The following CCDC57 variants were observed in gnomAD, a reference collection of about 807,000 sequenced individuals.
CCDC57 encodes coiled-coil domain containing 57.
Under a neutral mutation model 118.9 loss-of-function variants are expected in CCDC57, and 118 were observed. That is an observed-to-expected ratio of 0.99 (90% CI 0.86 to 1.16). The LOEUF (loss-of-function observed/expected upper bound fraction) is 1.16, where lower values mean the gene tolerates loss of function less well. Among genes scored for constraint, CCDC57 ranks in the 50% most tolerant of loss-of-function variants. The probability of loss-of-function intolerance (pLI) is 0.00; values close to 1 mark genes in which losing one functional copy is unlikely to be tolerated. For missense variants in CCDC57, 1,300 were observed against 1,320.7 expected, an observed-to-expected ratio of 0.98 and a Z score of 0.24; for synonymous variants, 527 against 532.9, an observed-to-expected ratio of 0.99 and a Z score of 0.15.
At chr17:82,200,482 TG>T (rs1234278103) in intron 3 of CCDC57, among the ~76,000 whole-genome samples, 1 of 152,154 alleles carries the variant, frequency 6.6e-6, no homozygotes, top group African/African-American at 2.4e-5. Flanking sequence ...CTTTAAAAAG[TG>T]CTTTAAAAAG....
intron 19 of CCDC57, among the ~76,000 whole-genome samples, chr17:82,108,238 G>C (rs2035003513): frequency 1.3e-5 from 2 of 152,354 alleles, no homozygotes; most frequent in East Asian, 1.9e-4. Context: ...CTCCTAGTGA[G>C]ATGAGTGTCA....
At position 82,184,063 on chromosome 17, in the gene CCDC57, A is replaced by ACACACG. The variant is rs72171963; in HGVS notation, c.1053-132_1053-131insCGTGTG. On this transcript the variant is annotated intron_variant, in intron 8 of 19. Transcript: ENST00000665763. ...CACACACACACACACACACACACACACACACACACACACACACACAGCTCT... is the reference window on the plus strand; with the variant it reads ...CACACACACACACACACACACACACACACACGCACACACACACACACACACAGCTCT... 5 of 584,660 alleles carry ACACACG rather than the reference A, an allele frequency of 8.6e-6. No homozygotes were observed. In the East Asian group the frequency reaches 1.4e-4, roughly 17 times the overall value. 36.2% of individuals were successfully genotyped at this position (584,660 alleles called of 1,614,324 possible). A position where few individuals can be genotyped will look rare whatever the true frequency, so the allele number is the denominator to read the frequency against.
intron 17 of CCDC57, among the ~76,000 whole-genome samples, chr17:82,132,121 A>AGGAC (rs1326125848): frequency 1.9e-5 from 1 of 51,618 alleles, no homozygotes; most frequent in African/African-American, 6.9e-5. Flanking sequence ...TCTGTCTCAA[A>AGGAC]AAAAAAAAAA....
Position 82,128,481 on chromosome 17 carries a change from C to T in CCDC57, c.2682+12G>A, listed in dbSNP as rs779516649. On this transcript the variant is annotated intron_variant, in intron 18 of 19. Coordinates refer to ENST00000665763, the Ensembl canonical transcript of CCDC57. ...CACACAGCTGCACTTGCTCGGGCGCCGCCACTCTCACCTTCGGGCCTTGCA... is the reference window on the plus strand; with the variant it reads ...CACACAGCTGCACTTGCTCGGGCGCTGCCACTCTCACCTTCGGGCCTTGCA... 34 of 1,539,274 alleles carry T rather than the reference C, an allele frequency of 2.2e-5. No homozygotes were observed. The highest frequency in any genetic ancestry group is 2.0e-4 in the South Asian group (17 of 84,000).
intron 13 of CCDC57, among the ~76,000 whole-genome samples, chr17:82,169,762 G>A (rs2044449334): frequency 6.6e-6 from 1 of 152,212 alleles, no homozygotes; most frequent in Non-Finnish European, 1.5e-5. Context: ...GGGAAAGGAA[G>A]TTAGAATAAT....
intron 16 of CCDC57, among the ~76,000 whole-genome samples, chr17:82,147,633 G>GTGGA (rs58300431): frequency 0.43 from 47,927 of 111,504 alleles, 11,627 homozygotes; most frequent in East Asian, 0.88. Context: ...GGGCGGGTGG[G>GTGGA]TGGATGGATG....
intron 17 of CCDC57, among the ~76,000 whole-genome samples, chr17:82,129,447 GC>G (rs549095815): frequency 1.2e-4 from 19 of 152,218 alleles, no homozygotes; most frequent in Non-Finnish European, 1.3e-4. Context: ...TGTGGAACGA[GC>G]CCAGCCCTGC....
chr17:82,155,265 C>A (rs2042543321), intron 15 of CCDC57: 1 of 152,240 alleles, frequency 6.6e-6, no homozygotes. Flanking sequence ...GGTTCAGCAC[C>A]CATCCGTGGT....
rs1452192695 is a variant in CCDC57, at chr17:82,184,021, G to A, written c.1053-89C>T. On this transcript the variant is annotated intron_variant, in intron 8 of 19. Transcript: ENST00000665763. ...CACCCCCCAGCAAATACACATGCGC[G>A]CGCGCGCGCGCACACACACACACAC... 34 of 313,218 alleles carry A rather than the reference G, an allele frequency of 1.1e-4. 1 individual carries two copies. The Admixed American group carries it at 1.6e-3, about 15-fold the overall frequency. 19.4% of individuals were successfully genotyped at this position (313,218 alleles called of 1,614,324 possible). A position where few individuals can be genotyped will look rare whatever the true frequency, so the allele number is the denominator to read the frequency against.
chr17:82,153,182 G>C (rs961525124), intron 15 of CCDC57, among the ~76,000 whole-genome samples: 1 of 152,178 alleles, frequency 6.6e-6, no homozygotes, highest in African/African-American at 2.4e-5. Context: ...GGCAGAGGGA[G>C]AGGAAGGGAG....
rs139454610 is a variant in CCDC57, at chr17:82,158,642, C to T, written c.2041-694G>A. 9.0e-3 allele frequency among the ~76,000 whole-genome samples: 1,319 copies of T among 145,948 alleles called. 19 individuals carry two copies. Among genetic ancestry groups the T allele is most frequent in the African/African-American group, 0.031 (1,235 of 39,300 alleles). On this transcript the variant is annotated intron_variant, in intron 14 of 19. Transcript: ENST00000665763. ...GGTGGAGCTTGCAGTGAGCCAAGATCGCGCCAGTGTACTCCAGCCTGGGCG... is the reference window on the plus strand; with the variant it reads ...GGTGGAGCTTGCAGTGAGCCAAGATTGCGCCAGTGTACTCCAGCCTGGGCG...
At chr17:82,144,259 ACG>A (rs2040416230) in intron 16 of CCDC57, among the ~76,000 whole-genome samples, 1 of 152,146 alleles carries the variant, frequency 6.6e-6, no homozygotes, top group African/African-American at 2.4e-5. Flanking sequence ...ATAGTGAGCT[ACG>A]ATGGCACCAC....
chr17:82,201,074 G>C (rs2048936738), intron 3 of CCDC57, among the ~76,000 whole-genome samples: 1 of 152,180 alleles, frequency 6.6e-6, no homozygotes, highest in African/African-American at 2.4e-5. Context: ...GAGCTGAGGG[G>C]ATACCAGGCA....
Position 82,117,638 on chromosome 17 carries a change from G to A in CCDC57, c.2899+10054C>T, listed in dbSNP as rs117780055. 4.6e-5 allele frequency among the ~76,000 whole-genome samples: 7 copies of A among 152,110 alleles called. No homozygotes were observed. The East Asian group carries it at 1.4e-3, about 29-fold the overall frequency. On this transcript the variant is annotated intron_variant, in intron 19 of 19. Transcript: ENST00000665763. Reference sequence around the variant, plus strand: ...GCACTACACTCCAGCCTGGGCGACGGAGTGAGACTCCATCTCAAAATACAT... The same window carrying A: ...GCACTACACTCCAGCCTGGGCGACGAAGTGAGACTCCATCTCAAAATACAT...
exon 3 of CCDC57, chr17:82,201,921 G>A (rs775273847): frequency 4.7e-5 from 75 of 1,601,630 alleles, no homozygotes; most frequent in Non-Finnish European, 5.7e-5. Context: ...CATTCAGGGC[G>A]GGCTCTGAGC....
chr17:82,156,452 G>A (rs2042693222), intron 15 of CCDC57: 1 of 152,232 alleles, frequency 6.6e-6, no homozygotes, highest in Non-Finnish European at 1.5e-5. Flanking sequence ...GGAACACATG[G>A]CGCTCAGGTG....
intron 3 of CCDC57, 149 bp downstream of exon 2, chr17:82,201,389 C>T (rs1430283510): frequency 3.9e-6 from 4 of 1,024,962 alleles, no homozygotes; most frequent in Non-Finnish European, 5.5e-6. Context: ...CACTCGGCCA[C>T]TCAGACAGAC....
intron 17 of CCDC57, among the ~76,000 whole-genome samples, chr17:82,131,300 G>A (rs940759728): frequency 1.3e-5 from 2 of 151,816 alleles, no homozygotes; most frequent in Non-Finnish European, 2.9e-5. Flanking sequence ...GTCTGGTGGT[G>A]TGTGCCTGTA....
chr17:82,120,025 T>C (rs1389104028), intron 19 of CCDC57, among the ~76,000 whole-genome samples: 1 of 152,120 alleles, frequency 6.6e-6, no homozygotes, highest in Admixed American at 6.5e-5. Flanking sequence ...GTTCGGGGCC[T>C]ATCCCAGGTC....
Sources: allele counts gnomAD v4.1 joint callset (sites outside exome capture counted in the v4.1 genomes callset), GRCh38; gene constraint gnomAD v4.1.1; transcripts MANE v1.5; gene names NCBI Gene and HGNC (gene_info 2026-07-23, HGNC 2026-07-21).